Variants in MYO3B observed in about 807,000 individuals in gnomAD.
MYO3B encodes myosin IIIB.
MYO3B carries 156 observed loss-of-function variants against 174.6 expected under a neutral mutation model. The ratio of observed to expected loss-of-function variants is 0.89; its 90% confidence interval spans 0.78 to 1.02. The LOEUF is 1.02. MYO3B is among the 50% of genes least tolerant of loss of function. MYO3B has a pLI of 0.00. For missense variants in MYO3B, 1,632 were observed against 1,639.4 expected (o/e 1.00, Z 0.08); for synonymous variants, 563 against 569.1 (o/e 0.99, Z 0.15).
At chr2:170,412,443 C>T (rs925866253) in intron 22 of MYO3B, 11 of 152,172 alleles carry the variant, frequency 7.2e-5, no homozygotes, top group African/African-American at 2.7e-4. Flanking sequence ...GTTTTACCCT[C>T]ATTGCCTTCT....
intron 6 of MYO3B, among the ~76,000 whole-genome samples, chr2:170,231,561 G>A (rs1195135130): frequency 1.3e-5 from 2 of 152,174 alleles, no homozygotes; most frequent in African/African-American, 2.4e-5. Context: ...CAGAAGAGCC[G>A]TAAGTTTGCA....
chr2:170,377,123 A>G (rs549860669), intron 9 of MYO3B, among the ~76,000 whole-genome samples: 9 of 152,364 alleles, frequency 5.9e-5, no homozygotes, highest in Non-Finnish European at 1.3e-4. Flanking sequence ...GTTTGTCAAT[A>G]TAGTTCATAG....
At chr2:170,623,335 A>AT (rs926092428) in intron 32 of MYO3B, among the ~76,000 whole-genome samples, 1 of 152,052 alleles carries the variant, frequency 6.6e-6, no homozygotes, top group East Asian at 1.9e-4. Flanking sequence ...GATGATGAGC[A>AT]TTTTTTCATA....
intron 32 of MYO3B, among the ~76,000 whole-genome samples, chr2:170,648,243 C>G (rs1013351714): frequency 1.3e-5 from 2 of 152,176 alleles, no homozygotes; most frequent in Admixed American, 1.3e-4. Context: ...GATTCCTGTG[C>G]TCTGCACAGT....
At chr2:170,547,951 G>C (rs1044842447) in intron 32 of MYO3B, among the ~76,000 whole-genome samples, 2 of 151,502 alleles carry the variant, frequency 1.3e-5, no homozygotes, top group African/African-American at 4.8e-5. Flanking sequence ...TTAAGAATGT[G>C]AGGTTTGTAG....
intron 22 of MYO3B, among the ~76,000 whole-genome samples, chr2:170,419,638 G>T (rs554097491): frequency 6.6e-6 from 1 of 152,194 alleles, no homozygotes; most frequent in African/African-American, 2.4e-5. Flanking sequence ...GGGCATGTGG[G>T]GACTACCACC....
At chr2:170,475,265 T>C (rs1483190016) in intron 25 of MYO3B, among the ~76,000 whole-genome samples, 1 of 152,176 alleles carries the variant, frequency 6.6e-6, no homozygotes, top group Non-Finnish European at 1.5e-5. Context: ...GTGTTTTGTT[T>C]GTTGAGATAG....
chr2:170,261,904 T>C lies in MYO3B; in HGVS notation c.749+25768T>C, dbSNP rs544673780. ...TATAGGATAGCATCAATAGAAGATA[T>C]GTATGTGTGTATATATATGTGTGTG... On this transcript the variant is annotated intron_variant, in intron 7 of 34. Coordinates refer to ENST00000408978, the MANE Select transcript of MYO3B (RefSeq NM_138995.5). 3.9e-5 allele frequency among the ~76,000 whole-genome samples: 6 copies of C among 152,250 alleles called. No homozygotes were observed. The East Asian group carries it at 1.2e-3, about 29-fold the overall frequency.
intron 23 of MYO3B, among the ~76,000 whole-genome samples, chr2:170,456,896 T>G (rs1474752555): frequency 2.0e-5 from 3 of 152,236 alleles, no homozygotes; most frequent in Non-Finnish European, 4.4e-5. Context: ...TCATAGAGTG[T>G]GCTTACACAA....
intron 8 of MYO3B, among the ~76,000 whole-genome samples, chr2:170,366,935 A>C (rs528725574): frequency 6.6e-6 from 1 of 152,266 alleles, no homozygotes; most frequent in South Asian, 2.1e-4. Context: ...ATCCCTGTTC[A>C]AGGAGCTTTA....
intron 6 of MYO3B, among the ~76,000 whole-genome samples, chr2:170,225,153 G>A (rs897788280): frequency 1.3e-5 from 2 of 152,222 alleles, no homozygotes; most frequent in Non-Finnish European, 1.5e-5. Flanking sequence ...TGCTTACTAT[G>A]TGTTAGGTGC....
rs771699605 is a variant in MYO3B, at chr2:170,407,863, A to G, written c.2650+19A>G. 3 of 1,613,516 alleles carry G rather than the reference A, an allele frequency of 1.9e-6. No homozygotes were observed. Among genetic ancestry groups the G allele is most frequent in the South Asian group, 2.2e-5 (2 of 91,052 alleles). On this transcript the variant is annotated intron_variant, in intron 22 of 34. Coordinates refer to ENST00000408978, the MANE Select transcript of MYO3B (RefSeq NM_138995.5). ...AAAACAGGTACTTGGGAACCCTCTG[A>G]TAGCCCTGCTCTTAAAGCTTTTGCA... is the stretch of plus-strand genomic sequence containing the variant.
intron 32 of MYO3B, among the ~76,000 whole-genome samples, chr2:170,561,892 A>G (rs1691732440): frequency 6.6e-6 from 1 of 152,212 alleles, no homozygotes; most frequent in South Asian, 2.1e-4. Flanking sequence ...CAAAAATGCC[A>G]AGGCAGGTTG....
At chr2:170,467,938 GA>G (rs939100519) in intron 25 of MYO3B, among the ~76,000 whole-genome samples, 5 of 149,822 alleles carry the variant, frequency 3.3e-5, no homozygotes, top group African/African-American at 9.8e-5. Flanking sequence ...AGTGGAACAA[GA>G]AAAAAAATTT....
At chr2:170,480,597 A>G (rs1356845655) in intron 25 of MYO3B, among the ~76,000 whole-genome samples, 3 of 152,222 alleles carry the variant, frequency 2.0e-5, no homozygotes, top group African/African-American at 7.2e-5. Flanking sequence ...GTCAGTGAGA[A>G]GTTTCAAAGG....
At chr2:170,445,785 C>T (rs1048882098) in intron 23 of MYO3B, among the ~76,000 whole-genome samples, 2 of 152,130 alleles carry the variant, frequency 1.3e-5, no homozygotes, top group African/African-American at 4.8e-5. Flanking sequence ...AGGTGGGCAC[C>T]ACCATACCTG....
intron 24 of MYO3B, among the ~76,000 whole-genome samples, chr2:170,466,212 A>G (rs1359886913): frequency 6.6e-6 from 1 of 151,672 alleles, no homozygotes; most frequent in African/African-American, 2.4e-5. Context: ...ACCAGCGACA[A>G]GCATTCTAGT....
intron 32 of MYO3B, among the ~76,000 whole-genome samples, chr2:170,621,270 A>G (rs1695893216): frequency 6.6e-6 from 1 of 152,178 alleles, no homozygotes; most frequent in Admixed American, 6.5e-5. Context: ...ACTGCTCCCC[A>G]GGAGGTTACT....
At chr2:170,186,473 C>T (rs1256838943) in intron 1 of MYO3B, among the ~76,000 whole-genome samples, 2 of 152,148 alleles carry the variant, frequency 1.3e-5, no homozygotes, top group African/African-American at 2.4e-5. Context: ...GGATAAATCC[C>T]ACTTGGTCAG....
Sources: gnomAD v4.1 joint callset for allele counts (sites outside exome capture counted in the v4.1 genomes callset) on GRCh38, gnomAD v4.1.1 for gene constraint, MANE v1.5 for transcripts, NCBI Gene and HGNC (gene_info 2026-07-23, HGNC 2026-07-21) for gene names.